CRTAC1: variants seen among roughly 807,000 people sequenced by gnomAD.
The protein encoded by CRTAC1 is acidic secreted protein in cartilage.
In CRTAC1, 37 loss-of-function variants were observed where a neutral mutation model predicts 67.8. The ratio of observed to expected loss-of-function variants is 0.55; its 90% CI spans 0.42 to 0.72. CRTAC1 has a LOEUF of 0.72. Among genes scored for constraint, CRTAC1 ranks in the 30% least tolerant of loss-of-function variants. CRTAC1 has a pLI of 0.00. For missense variants in CRTAC1, 780 were observed against 931.6 expected (o/e 0.84, Z 2.12); for synonymous variants, 348 against 371.0 (o/e 0.94, Z 0.71).
rs759101809 is a variant in CRTAC1 at position 97,880,354 on chromosome 10, G to A, written c.1714C>T (p.Arg572Ter). 9.9e-6 allele frequency: 16 copies of A among 1,614,020 alleles called. No individual in the cohort carries two copies. The highest frequency in any genetic ancestry group is 1.7e-5 in the Admixed American group (1 of 60,004). Residue 572 changes from arginine to a stop codon, truncating the protein, a stop_gained, in exon 14 of 15, where the codon CGA becomes TGA. Coordinates refer to ENST00000370597, the MANE Select transcript of CRTAC1 (RefSeq NM_018058.7). LOFTEE classifies it high-confidence loss of function. The part of the protein sequence containing the change: ...ECIQFPFVCP[R>*]DKPVCVNTYG... ...GTGTTGACACATACGGGCTTGTCTC[G>A]AGGGCACACGAATGGGAACTGGATG...
rs185195225 is a variant in CRTAC1 at position 97,888,926 on chromosome 10, G to A, written c.1487-4575C>T. On this transcript the variant is annotated intron_variant, in intron 11 of 14. Transcript: ENST00000370597. ...CAGAAGAATTACAAACAAAACAGATGGTGGGAATACAGTTGGTAGAATATT... is the reference window on the plus strand; with the variant it reads ...CAGAAGAATTACAAACAAAACAGATAGTGGGAATACAGTTGGTAGAATATT... 4.7e-4 allele frequency among the ~76,000 whole-genome samples: 71 copies of A among 152,208 alleles called. 1 individual carries two copies. Among genetic ancestry groups the A allele is most frequent in the Admixed American group, 3.1e-3 (48 of 15,286 alleles).
At chr10:97,936,045 G>A (rs1001269051) in intron 3 of CRTAC1, 125 bp downstream of exon 3, 2 of 852,780 alleles carry the variant, frequency 2.3e-6, no homozygotes, top group Admixed American at 2.8e-5. Flanking sequence ...TGGCAGCAGG[G>A]GGCAGTGCCT....
chr10:97,873,696 AAGG>A (rs748871110), intron 14 of CRTAC1, among the ~76,000 whole-genome samples: 8 of 152,176 alleles, frequency 5.3e-5, no homozygotes, highest in Non-Finnish European at 1.0e-4. Context: ...GGCCATGAAG[AAGG>A]AGAACCAGCT....
intron 11 of CRTAC1, among the ~76,000 whole-genome samples, chr10:97,892,215 T>C (rs1158766690): frequency 6.6e-6 from 1 of 152,196 alleles, no homozygotes; most frequent in Non-Finnish European, 1.5e-5. Context: ...GCAGGGCAGA[T>C]TCTGGCCAGA....
At chr10:97,971,774 G>C (rs2051716555) in intron 2 of CRTAC1, among the ~76,000 whole-genome samples, 1 of 152,148 alleles carries the variant, frequency 6.6e-6, no homozygotes, top group African/African-American at 2.4e-5. Context: ...GGTGGGAAGT[G>C]TGATGCATGT....
chr10:97,988,869 T>C (rs1335926440), intron 2 of CRTAC1, among the ~76,000 whole-genome samples: 3 of 152,238 alleles, frequency 2.0e-5, no homozygotes, highest in Non-Finnish European at 4.4e-5. Flanking sequence ...AGGCCACAGG[T>C]GCCCAGATTA....
At position 97,896,011 on chromosome 10, in the gene CRTAC1, T is replaced by C. The variant is rs780063570; in HGVS notation, c.1217-26A>G. 6 of 1,601,564 alleles carry C rather than the reference T, an allele frequency of 3.7e-6. No homozygotes were observed. The African/African-American group carries it at 6.7e-5, about 18-fold the overall frequency. On this transcript the variant is annotated intron_variant, in intron 9 of 14. Transcript: ENST00000370597. ...CTACAAACAATGCAGATTTCACCTCTGGCCGTAATCCAGGAGACCCACAAA... is the reference window on the plus strand; with the variant it reads ...CTACAAACAATGCAGATTTCACCTCCGGCCGTAATCCAGGAGACCCACAAA...
intron 3 of CRTAC1, among the ~76,000 whole-genome samples, chr10:97,928,215 GTCC>G (rs2050951371): frequency 6.6e-6 from 1 of 152,100 alleles, no homozygotes; most frequent in African/African-American, 2.4e-5. Context: ...TCAGAGTCCA[GTCC>G]AGTAGAACCA....
At chr10:97,896,210 C>T (rs1023049935) in intron 9 of CRTAC1, among the ~76,000 whole-genome samples, 14 of 152,312 alleles carry the variant, frequency 9.2e-5, no homozygotes, top group African/African-American at 3.1e-4. Flanking sequence ...CTGGTCTTTG[C>T]ATGGAGAGGG....
chr10:97,946,806 G>T (rs547831739), intron 2 of CRTAC1, among the ~76,000 whole-genome samples: 5 of 152,216 alleles, frequency 3.3e-5, no homozygotes, highest in African/African-American at 9.6e-5. Context: ...TTCCCCTCCA[G>T]AAGCCCCAGA....
At chr10:97,875,563 CCTGGCCCCTGTGG>C (rs2050137703) in intron 14 of CRTAC1, among the ~76,000 whole-genome samples, 1 of 152,204 alleles carries the variant, frequency 6.6e-6, no homozygotes, top group Non-Finnish European at 1.5e-5. Context: ...CTGGCATGTT[CCTGGCCCCTGTGG>C]CTGGGGTTCT....
chr10:98,021,600 A>ATC (rs1843122453), intron 1 of CRTAC1, among the ~76,000 whole-genome samples: 1 of 152,212 alleles, frequency 6.6e-6, no homozygotes. Context: ...AATGAGGTGA[A>ATC]TGTATGTTAA....
At chr10:98,004,705 G>C (rs1409980881) in intron 2 of CRTAC1, among the ~76,000 whole-genome samples, 1 of 151,146 alleles carries the variant, frequency 6.6e-6, no homozygotes, top group Admixed American at 6.6e-5. Flanking sequence ...TCCATACTAA[G>C]CAACTTAAAA....
At chr10:97,873,214 G>A (rs1003088388) in intron 14 of CRTAC1, among the ~76,000 whole-genome samples, 3 of 152,168 alleles carry the variant, frequency 2.0e-5, no homozygotes, top group African/African-American at 7.2e-5. Context: ...TGATCCCAGA[G>A]TTTCAGTGTG....
At chr10:97,967,666 C>T (rs183021332) in intron 2 of CRTAC1, among the ~76,000 whole-genome samples, 24 of 152,156 alleles carry the variant, frequency 1.6e-4, no homozygotes, top group Admixed American at 7.9e-4. Flanking sequence ...ATGAATCATC[C>T]TATCTTAGGG....
chr10:97,933,118 C>A (rs890807316), intron 3 of CRTAC1, among the ~76,000 whole-genome samples: 3 of 152,262 alleles, frequency 2.0e-5, no homozygotes, highest in African/African-American at 7.2e-5. Flanking sequence ...GGAAGGGTGG[C>A]AATGGCCAAG....
At chr10:98,006,306 T>C (rs1482655445) in intron 2 of CRTAC1, among the ~76,000 whole-genome samples, 1 of 152,232 alleles carries the variant, frequency 6.6e-6, no homozygotes, top group Non-Finnish European at 1.5e-5. Context: ...GGTCTGTGCG[T>C]GCACGGAAGT....
intron 2 of CRTAC1, among the ~76,000 whole-genome samples, chr10:97,980,740 AAG>A (rs1161816200): frequency 6.6e-6 from 1 of 152,220 alleles, no homozygotes. Flanking sequence ...TGGCACAAAT[AAG>A]AGATGGAAAA....
chr10:97,994,201 G>C (rs1357938070), intron 2 of CRTAC1, among the ~76,000 whole-genome samples: 1 of 152,028 alleles, frequency 6.6e-6, no homozygotes, highest in Non-Finnish European at 1.5e-5. Context: ...ATATATTTTT[G>C]GTTTGAGTTT....
Sources: gnomAD v4.1 joint callset for allele counts (sites outside exome capture counted in the v4.1 genomes callset) on GRCh38, gnomAD v4.1.1 for gene constraint, MANE v1.5 for transcripts, NCBI Gene and HGNC (gene_info 2026-07-23, HGNC 2026-07-21) for gene names.